The following SLC9A9 variants were observed in gnomAD, a reference collection of about 807,000 sequenced individuals.
SLC9A9 encodes the protein sodium/hydrogen exchanger 9.
SLC9A9 carries 62 observed loss-of-function variants against 77.8 expected under a neutral mutation model. That is an observed-to-expected ratio of 0.80 (90% CI 0.65 to 0.98). SLC9A9 has a LOEUF of 0.98. Among genes scored for constraint, SLC9A9 ranks in the 50% least tolerant of loss-of-function variants. The pLI is 0.00. For missense variants in SLC9A9, 775 were observed against 774.9 expected (o/e 1.00, Z 0.00); for synonymous variants, 320 against 283.5 (o/e 1.13, Z -1.29).
intron 4 of SLC9A9, among the ~76,000 whole-genome samples, chr3:143,727,235 T>C (rs762070686): frequency 1.3e-4 from 20 of 152,126 alleles, no homozygotes; most frequent in Non-Finnish European, 2.9e-4. Flanking sequence ...GAGACAACCA[T>C]TGAAAACCAA....
chr3:143,601,093 T>G (rs976456093), intron 6 of SLC9A9, among the ~76,000 whole-genome samples: 2 of 152,198 alleles, frequency 1.3e-5, no homozygotes, highest in African/African-American at 4.8e-5. Context: ...TGGGGGGTTA[T>G]TTTTCAAAAT....
intron 12 of SLC9A9, among the ~76,000 whole-genome samples, chr3:143,405,768 A>T (rs994931045): frequency 6.6e-6 from 1 of 152,162 alleles, no homozygotes; most frequent in East Asian, 1.9e-4. Context: ...GGTTGTATTC[A>T]TTGGGAGTAG....
chr3:143,555,243 A>T (rs1426845872), intron 8 of SLC9A9, among the ~76,000 whole-genome samples: 1 of 152,130 alleles, frequency 6.6e-6, no homozygotes, highest in Non-Finnish European at 1.5e-5. Flanking sequence ...GCCATGTAAG[A>T]TGTGCCTTTC....
At chr3:143,669,017 C>T (rs1308108204) in intron 5 of SLC9A9, among the ~76,000 whole-genome samples, 2 of 152,172 alleles carry the variant, frequency 1.3e-5, no homozygotes, top group African/African-American at 4.8e-5. Context: ...AGACTAGTGG[C>T]TGCTCTCCCA....
In SLC9A9 at chr3:143,324,150, T is replaced by C. The variant is rs1286008728; in HGVS notation, c.1604+39334A>G. Among the ~76,000 whole-genome samples, 4 of 152,114 alleles carry C rather than the reference T, an allele frequency of 2.6e-5. No homozygotes were observed. In the South Asian group the frequency reaches 8.3e-4, roughly 32 times the overall value. ...ACTTGACCTAAAGTACCTGCTCTAT[T>C]GGGAGGGGGTAGAGGGAGGGGCAGA... On this transcript the variant is annotated intron_variant, in intron 14 of 15. Coordinates refer to ENST00000316549, the MANE Select transcript of SLC9A9 (RefSeq NM_173653.4).
chr3:143,774,580 T>C (rs2007629493), intron 4 of SLC9A9, among the ~76,000 whole-genome samples: 1 of 152,102 alleles, frequency 6.6e-6, no homozygotes, highest in Non-Finnish European at 1.5e-5. Context: ...ATATGCAGAG[T>C]GCTTAGAGCA....
chr3:143,415,327 T>A (rs1371747450), intron 12 of SLC9A9, among the ~76,000 whole-genome samples: 1 of 152,188 alleles, frequency 6.6e-6, no homozygotes, highest in Non-Finnish European at 1.5e-5. Flanking sequence ...AAAGATGCCA[T>A]ATAGGACTTT....
intron 11 of SLC9A9, among the ~76,000 whole-genome samples, chr3:143,480,974 T>C (rs569852159): frequency 4.6e-5 from 7 of 152,318 alleles, no homozygotes; most frequent in Admixed American, 2.6e-4. Flanking sequence ...CTCTTGTAGA[T>C]AAATTTAAAG....
intron 12 of SLC9A9, among the ~76,000 whole-genome samples, chr3:143,441,202 T>C (rs555480403): frequency 3.3e-5 from 5 of 152,212 alleles, no homozygotes; most frequent in Non-Finnish European, 7.3e-5. Flanking sequence ...GTAAATGGAA[T>C]GAGCTAGAAT....
chr3:143,520,899 AT>A (rs2036285843), intron 9 of SLC9A9, among the ~76,000 whole-genome samples: 1 of 152,144 alleles, frequency 6.6e-6, no homozygotes, highest in South Asian at 2.1e-4. Context: ...ACACCTGCTC[AT>A]TTATTTTGCT....
At chr3:143,599,774 G>A (rs987241709) in intron 6 of SLC9A9, among the ~76,000 whole-genome samples, 1 of 152,076 alleles carries the variant, frequency 6.6e-6, no homozygotes, top group African/African-American at 2.4e-5. Flanking sequence ...AAAATCTTAT[G>A]CGTCCCTCAA....
chr3:143,568,131 G>C (rs1477810870), intron 8 of SLC9A9, among the ~76,000 whole-genome samples: 1 of 152,170 alleles, frequency 6.6e-6, no homozygotes, highest in Non-Finnish European at 1.5e-5. Context: ...CATCATGGCT[G>C]CTCCAGGGAT....
intron 12 of SLC9A9, among the ~76,000 whole-genome samples, chr3:143,426,123 C>T (rs1423116232): frequency 2.0e-5 from 3 of 152,316 alleles, no homozygotes; most frequent in East Asian, 1.9e-4. Flanking sequence ...GAATCAATTA[C>T]ATCCTTGCTG....
intron 1 of SLC9A9, chr3:143,847,896 G>T (rs1451025962): frequency 1.5e-5 from 8 of 538,706 alleles, no homozygotes; most frequent in Admixed American, 1.3e-4. Flanking sequence ...CAATGGACCC[G>T]CATCTGTCAA....
chr3:143,686,082 C>T (rs1487567720), intron 5 of SLC9A9, among the ~76,000 whole-genome samples: 1 of 152,234 alleles, frequency 6.6e-6, no homozygotes, highest in South Asian at 2.1e-4. Flanking sequence ...TTCCAGGGGC[C>T]ATGAGACACC....
chr3:143,295,024 G>A (rs1402030001), intron 14 of SLC9A9, among the ~76,000 whole-genome samples: 1 of 152,172 alleles, frequency 6.6e-6, no homozygotes, highest in African/African-American at 2.4e-5. Flanking sequence ...TTTAGAAAAA[G>A]CTGATGTTAC....
At chr3:143,273,940 A>AT (rs1937969234) in intron 14 of SLC9A9, among the ~76,000 whole-genome samples, 1 of 152,178 alleles carries the variant, frequency 6.6e-6, no homozygotes, top group South Asian at 2.1e-4. Flanking sequence ...ATAAGCCATC[A>AT]TTTTTAGGGT....
chr3:143,455,817 T>C, intron 12 of SLC9A9, among the ~76,000 whole-genome samples: 1 of 151,826 alleles, frequency 6.6e-6, no homozygotes, highest in East Asian at 1.9e-4. Flanking sequence ...TTTAGGTTTC[T>C]TTTTTCTATA....
intron 13 of SLC9A9, among the ~76,000 whole-genome samples, chr3:143,378,489 G>A (rs1342238392): frequency 1.3e-5 from 2 of 152,218 alleles, no homozygotes; most frequent in African/African-American, 2.4e-5. Context: ...TCAGAGCAGT[G>A]TTAAGAATAA....
Sources: gnomAD v4.1 joint callset for allele counts (sites outside exome capture counted in the v4.1 genomes callset) on GRCh38, gnomAD v4.1.1 for gene constraint, MANE v1.5 for transcripts, NCBI Gene and HGNC (gene_info 2026-07-23, HGNC 2026-07-21) for gene names.